Variants in INTS9 observed in about 807,000 individuals in gnomAD.
INTS9 encodes the protein protein related to CPSF subunits of 74 kDa.
INTS9 carries 55 observed loss-of-function variants against 79.7 expected under a neutral mutation model. That is an observed-to-expected ratio of 0.69 (90% confidence interval 0.56 to 0.86). The LOEUF (loss-of-function observed/expected upper bound fraction) is 0.86. Among genes scored for constraint, INTS9 ranks in the 40% least tolerant of loss-of-function variants. INTS9 has a pLI of 0.00. For missense variants in INTS9, 721 were observed against 831.5 expected, an observed-to-expected ratio of 0.87 and a Z score of 1.64; for synonymous variants, 319 against 325.2, an observed-to-expected ratio of 0.98 and a Z score of 0.20.
intron 10 of INTS9, among the ~76,000 whole-genome samples, chr8:28,792,861 G>A (rs1169308533): frequency 1.3e-4 from 19 of 151,586 alleles, no homozygotes; most frequent in Admixed American, 6.6e-5. Context: ...TGCAGTGAGC[G>A]GAGATTGTGC....
intron 1 of INTS9, among the ~76,000 whole-genome samples, chr8:28,885,819 A>G (rs1810151234): frequency 6.6e-6 from 1 of 152,262 alleles, no homozygotes; most frequent in South Asian, 2.1e-4. Context: ...CTATACAAAT[A>G]ACAGAACATG....
In INTS9 at chr8:28,777,862, G is replaced by A. The variant is rs1231863858; in HGVS notation, c.1362C>T (p.Phe454=). ...CTTTAAGCAGCTTTGACACCTGGAT[G>A]AAGTTCAGCCGGGTGTCGATGGGGC... The part of the protein sequence containing the change: ...IYCPIDTRLN[F]IQVSKLLKEV... The change falls in exon 13 of 17, where the codon TTC becomes TTT. Residue 454 remains phenylalanine, a synonymous_variant. Coordinates refer to ENST00000521022, the MANE Select transcript of INTS9 (RefSeq NM_018250.4). 1.2e-6 allele frequency: 2 copies of A among 1,612,364 alleles called. No homozygotes were observed. The highest frequency in any genetic ancestry group is 1.7e-6 in the Non-Finnish European group (2 of 1,179,170).
intron 2 of INTS9, 64 bp from the exon 3 acceptor site, chr8:28,850,337 G>T (rs1350551801): frequency 7.8e-6 from 10 of 1,274,634 alleles, no homozygotes; most frequent in Admixed American, 1.8e-5. Flanking sequence ...TGACTTCATG[G>T]TAACTTACTG....
At chr8:28,843,464 T>A (rs1807315243) in intron 4 of INTS9, among the ~76,000 whole-genome samples, 1 of 152,236 alleles carries the variant, frequency 6.6e-6, no homozygotes, top group African/African-American at 2.4e-5. Flanking sequence ...TGCTGTCTCT[T>A]GGCTGGAGGA....
chr8:28,768,696 G>T (rs1237717192), intron 16 of INTS9, among the ~76,000 whole-genome samples: 1 of 152,234 alleles, frequency 6.6e-6, no homozygotes, highest in Non-Finnish European at 1.5e-5. Context: ...GTGACACCAA[G>T]ATACCCCTGT....
chr8:28,860,491 C>A lies in INTS9; in HGVS notation c.10-928G>T, dbSNP rs1160358207. Among the ~76,000 whole-genome samples the A allele has an allele frequency of 4.0e-5, 6 of 149,576 alleles. No individual in the cohort carries two copies. In the South Asian group the frequency reaches 1.0e-3, roughly 26 times the overall value. On this transcript the variant is annotated intron_variant, in intron 1 of 16. Transcript: ENST00000521022. Reference sequence around the variant, plus strand: ...CATTCTCTCCTTTTTTTTTTTTTTCCCTTGAGATGGAGTCTCACTCTGTTG... The same window carrying A: ...CATTCTCTCCTTTTTTTTTTTTTTCACTTGAGATGGAGTCTCACTCTGTTG...
intron 1 of INTS9, among the ~76,000 whole-genome samples, chr8:28,886,090 G>A (rs1810161324): frequency 6.6e-6 from 1 of 152,118 alleles, no homozygotes; most frequent in South Asian, 2.1e-4. Flanking sequence ...TGCAAAGTTA[G>A]AGAATTATAA....
intron 1 of INTS9, chr8:28,862,238 T>C: frequency 2.0e-6 from 2 of 982,078 alleles, no homozygotes; most frequent in Non-Finnish European, 2.4e-6. Flanking sequence ...AGTAAGTAAT[T>C]ATGGAAATAA....
At chr8:28,833,791 A>C (rs1173205710) in intron 6 of INTS9, among the ~76,000 whole-genome samples, 1 of 152,172 alleles carries the variant, frequency 6.6e-6, no homozygotes, top group East Asian at 1.9e-4. Context: ...AGGTTAGAGA[A>C]AGCCCAGTGT....
chr8:28,781,054 A>G (rs894501333), intron 11 of INTS9, 60 bp from the exon 12 acceptor site: 6 of 1,400,778 alleles, frequency 4.3e-6, no homozygotes, highest in Non-Finnish European at 6.0e-6. Flanking sequence ...AGGGGGAACC[A>G]AAGTACGGGA....
chr8:28,817,535 A>C lies in INTS9; in HGVS notation c.489-3923T>G, dbSNP rs373927866. Among the ~76,000 whole-genome samples the C allele has an allele frequency of 1.4e-4, 21 of 152,202 alleles. No homozygotes were observed. The East Asian group carries it at 1.7e-3, about 13-fold the overall frequency. On this transcript the variant is annotated intron_variant, in intron 6 of 16. Coordinates refer to ENST00000521022, the MANE Select transcript of INTS9 (RefSeq NM_018250.4). ...CTATATCTCTGTTTTGGTACCAGTA[A>C]CATGCTGTTTTGGTTACTGTAGCCT...
chr8:28,881,719 C>A (rs1412262793), intron 1 of INTS9, among the ~76,000 whole-genome samples: 2 of 148,216 alleles, frequency 1.3e-5, no homozygotes, highest in Non-Finnish European at 3.0e-5. Flanking sequence ...GGTCAGCCCC[C>A]CTTCCGGCCG....
chr8:28,769,807 T>G, intron 16 of INTS9, 82 bp downstream of exon 16: 1 of 1,549,624 alleles, frequency 6.5e-7, no homozygotes, highest in Admixed American at 1.8e-5. Flanking sequence ...CAACATCCAC[T>G]CCCTGCAGCC....
intron 2 of INTS9, among the ~76,000 whole-genome samples, chr8:28,856,067 G>C (rs1808138689): frequency 6.6e-6 from 1 of 152,228 alleles, no homozygotes; most frequent in Non-Finnish European, 1.5e-5. Context: ...ACACAAAAAA[G>C]ATGACTCTTG....
rs553042354 is a variant in INTS9 at position 28,779,662 on chromosome 8, G to A, written c.1270+1161C>T. ...ACGCCTCACCTCCGCGAACACCTGC[G>A]CATCACCGAACACCAGCCGGAGTCC... On this transcript the variant is annotated intron_variant, in intron 12 of 16. Coordinates refer to ENST00000521022, the MANE Select transcript of INTS9 (RefSeq NM_018250.4). Among the ~76,000 whole-genome samples the A allele has an allele frequency of 1.2e-4, 18 of 152,254 alleles. No homozygotes were observed. The East Asian group carries it at 2.1e-3, about 18-fold the overall frequency.
chr8:28,813,945 G>C (rs1324430828), intron 6 of INTS9, among the ~76,000 whole-genome samples: 2 of 151,808 alleles, frequency 1.3e-5, no homozygotes, highest in East Asian at 1.9e-4. Flanking sequence ...ATTTTTAGTA[G>C]AGATGGGGTT....
chr8:28,868,441 A>G (rs1179953635), intron 1 of INTS9, among the ~76,000 whole-genome samples: 1 of 152,172 alleles, frequency 6.6e-6, no homozygotes, highest in East Asian at 1.9e-4. Flanking sequence ...GCACAGTCAT[A>G]AAGAAACTGT....
intron 6 of INTS9, among the ~76,000 whole-genome samples, chr8:28,814,329 C>G (rs558812729): frequency 6.6e-6 from 1 of 150,526 alleles, no homozygotes; most frequent in Non-Finnish European, 1.5e-5. Flanking sequence ...CACACACACA[C>G]ACACACTCTC....
chr8:28,888,908 ACTT>A (rs1320059978), intron 1 of INTS9, among the ~76,000 whole-genome samples: 2 of 151,550 alleles, frequency 1.3e-5, no homozygotes, highest in Non-Finnish European at 1.5e-5. Flanking sequence ...TAAAAAATAA[ACTT>A]TTTTTTTTTT....
Sources: gnomAD v4.1 joint callset for allele counts (sites outside exome capture counted in the v4.1 genomes callset) on GRCh38, gnomAD v4.1.1 for gene constraint, MANE v1.5 for transcripts, NCBI Gene and HGNC (gene_info 2026-07-23, HGNC 2026-07-21) for gene names.